SORL1: variants seen among roughly 807,000 people sequenced by gnomAD.
SORL1 encodes the protein sortilin-related receptor.
Under a neutral mutation model 273.7 loss-of-function variants are expected in SORL1, and 127 were observed. That is an observed-to-expected ratio of 0.46 (90% CI 0.40 to 0.54). SORL1 has a LOEUF of 0.54. Among genes scored for constraint, SORL1 ranks in the 20% least tolerant of loss-of-function variants. The probability of loss-of-function intolerance (pLI) is 0.00; values close to 1 mark genes in which losing one functional copy is unlikely to be tolerated. For missense variants in SORL1, 2,494 were observed against 2,846.1 expected (o/e 0.88, Z 2.81); for synonymous variants, 1,031 against 1,067.4 (o/e 0.97, Z 0.66).
intron 12 of SORL1, among the ~76,000 whole-genome samples, chr11:121,538,183 A>T (rs1382395671): frequency 2.7e-5 from 4 of 146,578 alleles, no homozygotes; most frequent in Admixed American, 6.8e-5. Flanking sequence ...GGTGGCTCCT[A>T]TTTTTTTTTT....
chr11:121,576,357 C>T (rs1194020795), intron 24 of SORL1, among the ~76,000 whole-genome samples: 1 of 152,138 alleles, frequency 6.6e-6, no homozygotes, highest in Non-Finnish European at 1.5e-5. Flanking sequence ...TCTATCTGTA[C>T]GCAAGCGTGG....
chr11:121,482,687 G>A (rs1196030495), intron 3 of SORL1, among the ~76,000 whole-genome samples: 1 of 152,264 alleles, frequency 6.6e-6, no homozygotes, highest in African/African-American at 2.4e-5. Flanking sequence ...CAACAGCAGG[G>A]CGCTCTGCCT....
chr11:121,517,075 G>T (rs1262885442), intron 8 of SORL1, among the ~76,000 whole-genome samples: 1 of 151,976 alleles, frequency 6.6e-6, no homozygotes, highest in African/African-American at 2.4e-5. Flanking sequence ...TATTTATTGA[G>T]GTGAAATGTA....
intron 32 of SORL1, among the ~76,000 whole-genome samples, chr11:121,601,331 A>G (rs1342144052): frequency 1.4e-5 from 2 of 143,418 alleles, no homozygotes; most frequent in African/African-American, 5.2e-5. Flanking sequence ...AGTCTTTGCT[A>G]TTGTGAATAA....
At chr11:121,471,509 T>G (rs952471632) in intron 2 of SORL1, among the ~76,000 whole-genome samples, 1 of 152,234 alleles carries the variant, frequency 6.6e-6, no homozygotes. Context: ...GGTCTGACAC[T>G]GTGGCAGCGC....
At chr11:121,515,938 C>T (rs1861943119) in intron 8 of SORL1, among the ~76,000 whole-genome samples, 1 of 152,186 alleles carries the variant, frequency 6.6e-6, no homozygotes, top group Non-Finnish European at 1.5e-5. Flanking sequence ...TGAGCCAACA[C>T]ACTCAATCCT....
Position 121,605,231 on chromosome 11 carries a change from C to G in SORL1, c.4770C>G (p.Val1590=), listed in dbSNP as rs765751168. Residue 1590 remains valine, a synonymous_variant, in exon 34 of 48, where the codon GTC becomes GTG. Transcript: ENST00000260197. ...KMPSASCVYN[V]YYRVVGESIW... is the part of the protein sequence containing the mutation. Reference sequence around the variant, plus strand: ...CCTCTGCTTCTTGTGTATATAATGTCTACTACAGGTAGGTCCCATCTTTGT... The same window carrying G: ...CCTCTGCTTCTTGTGTATATAATGTGTACTACAGGTAGGTCCCATCTTTGT... 2.5e-6 allele frequency: 4 copies of G among 1,611,252 alleles called. No homozygotes were observed. Among genetic ancestry groups the G allele is most frequent in the Non-Finnish European group, 3.4e-6 (4 of 1,179,054 alleles).
intron 11 of SORL1, among the ~76,000 whole-genome samples, chr11:121,525,730 T>C (rs902099920): frequency 6.6e-6 from 1 of 152,250 alleles, no homozygotes; most frequent in Non-Finnish European, 1.5e-5. Flanking sequence ...TTGTGAAGTA[T>C]CTGCCCAAAT....
intron 5 of SORL1, among the ~76,000 whole-genome samples, chr11:121,491,184 A>T (rs1861547632): frequency 6.6e-6 from 1 of 152,200 alleles, no homozygotes; most frequent in Non-Finnish European, 1.5e-5. Flanking sequence ...AAGTTTTGAA[A>T]GGGAAGTTGG....
intron 18 of SORL1, among the ~76,000 whole-genome samples, chr11:121,555,966 G>A (rs1039621591): frequency 6.6e-6 from 1 of 152,180 alleles, no homozygotes; most frequent in African/African-American, 2.4e-5. Context: ...AGTGGGAAGT[G>A]CAGTAGAAGC....
chr11:121,604,895 G>C (rs1443941098), intron 33 of SORL1, among the ~76,000 whole-genome samples: 2 of 152,124 alleles, frequency 1.3e-5, no homozygotes, highest in Non-Finnish European at 2.9e-5. Flanking sequence ...TTAAAAGCAG[G>C]AGTCCTTTGA....
chr11:121,594,729 A>C (rs1388504153), intron 31 of SORL1, among the ~76,000 whole-genome samples: 1 of 152,050 alleles, frequency 6.6e-6, no homozygotes, highest in Non-Finnish European at 1.5e-5. Context: ...CTTTCATGTC[A>C]AAGCCTTTTC....
intron 38 of SORL1, chr11:121,609,456 G>A (rs1863528455): frequency 6.6e-6 from 1 of 152,208 alleles, no homozygotes; most frequent in South Asian, 2.1e-4. Flanking sequence ...AAGGGATGTT[G>A]GAAGAGCAAC....
intron 12 of SORL1, among the ~76,000 whole-genome samples, chr11:121,536,012 G>A (rs535427112): frequency 2.6e-5 from 4 of 152,208 alleles, no homozygotes; most frequent in East Asian, 1.9e-4. Context: ...CACCCTGACC[G>A]AAGAAGATTC....
At chr11:121,567,170 G>T (rs1591330519) in intron 22 of SORL1, 57 bp downstream of exon 22, 3 of 1,402,698 alleles carry the variant, frequency 2.1e-6, no homozygotes, top group South Asian at 1.2e-5. Context: ...CCTGCTCCCC[G>T]CCAGGGGAGG....
chr11:121,583,596 TC>T lies in SORL1; in HGVS notation c.3706+17del. On this transcript the variant is annotated intron_variant, in intron 26 of 47. Coordinates refer to ENST00000260197, the MANE Select transcript of SORL1 (RefSeq NM_003105.6). Reference sequence around the variant, plus strand: ...CCAGTCAACTGTGGTAAATGCAAATTCCCCAGCTCCCTCCCTGAGCCTCCCC... The same window carrying T: ...CCAGTCAACTGTGGTAAATGCAAATTCCCAGCTCCCTCCCTGAGCCTCCCC... 6.3e-7 allele frequency: 1 copy of T among 1,597,110 alleles called. No individual in the cohort carries two copies. The highest frequency in any genetic ancestry group is 8.5e-7 in the Non-Finnish European group (1 of 1,171,686).
chr11:121,515,324 CA>C (rs10718557), intron 8 of SORL1, among the ~76,000 whole-genome samples: 26,688 of 152,108 alleles, frequency 0.18, 3,107 homozygotes, highest in African/African-American at 0.3. Context: ...AAAGCAAGAT[CA>C]GGGGATGGGG....
chr11:121,589,772 T>C (rs1863181672), intron 29 of SORL1, among the ~76,000 whole-genome samples: 2 of 152,184 alleles, frequency 1.3e-5, no homozygotes, highest in Non-Finnish European at 2.9e-5. Context: ...TTTGGTAAAA[T>C]GTCAGAATTA....
intron 1 of SORL1, among the ~76,000 whole-genome samples, chr11:121,460,016 G>A (rs1366174008): frequency 6.6e-6 from 1 of 152,186 alleles, no homozygotes; most frequent in Non-Finnish European, 1.5e-5. Context: ...TCAAAACACA[G>A]CTACGAATTC....
Sources: gnomAD v4.1 joint callset for allele counts (sites outside exome capture counted in the v4.1 genomes callset) on GRCh38, gnomAD v4.1.1 for gene constraint, MANE v1.5 for transcripts, NCBI Gene and HGNC (gene_info 2026-07-23, HGNC 2026-07-21) for gene names.